The following KLF12 variants were observed in gnomAD, a reference collection of about 807,000 sequenced individuals.
KLF12 encodes the protein KLF transcription factor 12, also known as Krueppel-like factor 12.
Under a neutral mutation model 37.8 loss-of-function variants are expected in KLF12, and 9 were observed. That is an observed-to-expected ratio of 0.24 (90% CI 0.14 to 0.42). The LOEUF is 0.42. Among genes scored for constraint, KLF12 ranks in the 10% least tolerant of loss-of-function variants. The pLI is 1.00. For missense variants in KLF12, 411 were observed against 516.0 expected (o/e 0.80, Z 1.97); for synonymous variants, 208 against 202.1 (o/e 1.03, Z -0.25).
At chr13:74,053,317 C>T (rs1873036081) in intron 1 of KLF12, among the ~76,000 whole-genome samples, 1 of 152,130 alleles carries the variant, frequency 6.6e-6, no homozygotes, top group African/African-American at 2.4e-5. Flanking sequence ...AGAGATCTCT[C>T]ACCTTTCATT....
the KLF12 span, among the ~76,000 whole-genome samples, chr13:74,291,709 C>T: frequency 6.6e-6 from 1 of 152,030 alleles, no homozygotes; most frequent in African/African-American, 2.4e-5. Flanking sequence ...TGGAATAGAC[C>T]TCCCTGACTG....
At chr13:73,842,977 T>C (rs183378833) in intron 4 of KLF12, among the ~76,000 whole-genome samples, 2 of 152,344 alleles carry the variant, frequency 1.3e-5, no homozygotes, top group African/African-American at 2.4e-5. Flanking sequence ...TAAAATGCTA[T>C]AGCAACATTT....
rs566713724 is a variant in KLF12 at position 74,096,785 on chromosome 13, A to G, written c.-32+36954T>C. Among the ~76,000 whole-genome samples, 37 of 152,304 alleles carry G rather than the reference A, an allele frequency of 2.4e-4. 1 individual carries two copies. The South Asian group carries it at 6.6e-3, about 27-fold the overall frequency. On this transcript the variant is annotated intron_variant, in intron 1 of 7. Coordinates refer to ENST00000377669, the MANE Select transcript of KLF12 (RefSeq NM_007249.5). ...GAGAAGGGAGATACATAGAATGCCA[A>G]TTTCTCAGACTGCATCTCCTTCTCA... is the stretch of plus-strand genomic sequence containing the variant.
intron 1 of KLF12, among the ~76,000 whole-genome samples, chr13:74,113,125 G>A (rs188745261): frequency 2.6e-5 from 4 of 152,290 alleles, no homozygotes; most frequent in Non-Finnish European, 5.9e-5. Context: ...TGCGTTGGAA[G>A]CCGGAAGAGT....
At chr13:73,988,187 C>T (rs774126436) in intron 2 of KLF12, among the ~76,000 whole-genome samples, 2 of 152,204 alleles carry the variant, frequency 1.3e-5, no homozygotes, top group Non-Finnish European at 2.9e-5. Flanking sequence ...AGAAAAAATA[C>T]ACCCTTTTGC....
chr13:73,978,984 A>G (rs1891616441), intron 2 of KLF12, among the ~76,000 whole-genome samples: 2 of 151,498 alleles, frequency 1.3e-5, no homozygotes, highest in African/African-American at 4.9e-5. Context: ...AGACAATAAA[A>G]CAATCAGTGG....
intron 2 of KLF12, among the ~76,000 whole-genome samples, chr13:73,957,141 G>C (rs1890872043): frequency 6.7e-6 from 1 of 148,310 alleles, no homozygotes; most frequent in Non-Finnish European, 1.5e-5. Context: ...AGGAAGGAAG[G>C]AACCTTAATT....
chr13:74,197,832 C>T, the KLF12 span, among the ~76,000 whole-genome samples: 1 of 152,020 alleles, frequency 6.6e-6, no homozygotes, highest in African/African-American at 2.4e-5. Flanking sequence ...CTGAGGCTCC[C>T]CACCCATTTT....
Position 74,060,052 on chromosome 13 carries a change from C to G in KLF12, c.-31-64999G>C, listed in dbSNP as rs1229692624. Reference sequence around the variant, plus strand: ...CATTGTTTATTTTTGTCCACTTTGTCAAAGATCAGTTGGTTGCAGTATGTG... The same window carrying G: ...CATTGTTTATTTTTGTCCACTTTGTGAAAGATCAGTTGGTTGCAGTATGTG... On this transcript the variant is annotated intron_variant, in intron 1 of 7. Transcript: ENST00000377669. Among the ~76,000 whole-genome samples the G allele has an allele frequency of 2.0e-5, 3 of 152,108 alleles. No homozygotes were observed. The East Asian group carries it at 5.8e-4, about 29-fold the overall frequency.
At chr13:73,908,808 CACT>C (rs1888436939) in intron 3 of KLF12, among the ~76,000 whole-genome samples, 2 of 152,100 alleles carry the variant, frequency 1.3e-5, no homozygotes. Context: ...CAGCACTCAC[CACT>C]GATATTTAGT....
At chr13:74,137,297 T>TACGGTCATAGAATTTGGGGGTTGAAAA (rs1878590339), upstream of KLF12, among the ~76,000 whole-genome samples, 1 of 152,244 alleles carries the variant, frequency 6.6e-6, no homozygotes, top group Non-Finnish European at 1.5e-5. Context: ...AGCGAGAAAG[T>TACGGTCATAGAATTTGGGGGTTGAAAA]ACGGTCATAG....
At chr13:73,890,954 T>A (rs1887477511) in intron 3 of KLF12, among the ~76,000 whole-genome samples, 1 of 152,032 alleles carries the variant, frequency 6.6e-6, no homozygotes, top group Admixed American at 6.6e-5. Context: ...GACAAATTGA[T>A]CTTCAAATTT....
At chr13:73,832,496 C>A (rs1884215032) in intron 4 of KLF12, among the ~76,000 whole-genome samples, 1 of 152,090 alleles carries the variant, frequency 6.6e-6, no homozygotes, top group Non-Finnish European at 1.5e-5. Flanking sequence ...TTAGGGGGAG[C>A]CCTTGGATTT....
chr13:74,080,362 C>T (rs1874808509), intron 1 of KLF12, among the ~76,000 whole-genome samples: 1 of 152,008 alleles, frequency 6.6e-6, no homozygotes, highest in African/African-American at 2.4e-5. Context: ...GTGGGAGGAT[C>T]TCTTGAGCCT....
chr13:73,845,056 A>G (rs1275589249), intron 4 of KLF12: 2 of 152,184 alleles, frequency 1.3e-5, no homozygotes, highest in African/African-American at 4.8e-5. Flanking sequence ...AACTTAGAAG[A>G]AGAAAATAAC....
intron 5 of KLF12, among the ~76,000 whole-genome samples, chr13:73,768,670 T>C (rs1177324741): frequency 6.6e-6 from 1 of 152,300 alleles, no homozygotes. Flanking sequence ...TTTGCACCCA[T>C]TTACAGAGCC....
intron 1 of KLF12, among the ~76,000 whole-genome samples, chr13:74,024,624 T>G (rs1230334478): frequency 6.6e-6 from 1 of 152,214 alleles, no homozygotes; most frequent in Non-Finnish European, 1.5e-5. Flanking sequence ...CTGATATTTG[T>G]GTCTTCTTCA....
chr13:74,241,916 C>G, the KLF12 span, among the ~76,000 whole-genome samples: 1 of 152,228 alleles, frequency 6.6e-6, no homozygotes, highest in African/African-American at 2.4e-5. Context: ...GCGTCGCTCA[C>G]GCTTGGAGCT....
chr13:74,191,302 G>A, the KLF12 span, among the ~76,000 whole-genome samples: 1 of 152,088 alleles, frequency 6.6e-6, no homozygotes, highest in Non-Finnish European at 1.5e-5. Context: ...CCACATCTGA[G>A]GTTTCTTTAT....
Sources: allele counts gnomAD v4.1 joint callset (sites outside exome capture counted in the v4.1 genomes callset), GRCh38; gene constraint gnomAD v4.1.1; transcripts MANE v1.5; gene names NCBI Gene and HGNC (gene_info 2026-07-23, HGNC 2026-07-21).